The following BBS9 variants were observed in gnomAD, a reference collection of about 807,000 sequenced individuals.
BBS9 encodes Bardet-Biedl syndrome 9.
Under a neutral mutation model 117.7 loss-of-function variants are expected in BBS9, and 89 were observed. The observed-to-expected ratio is 0.76, with a 90% CI of 0.64 to 0.90. BBS9 has a LOEUF of 0.90. Ranked by LOEUF, BBS9 falls within the 40% of genes least tolerant of loss-of-function variation. The pLI is 0.00. For synonymous variants in BBS9, 379 were observed against 370.9 expected, an observed-to-expected ratio of 1.02 and a Z score of -0.25; for missense variants, 982 against 1,042.2, an observed-to-expected ratio of 0.94 and a Z score of 0.80.
intron 1 of BBS9, among the ~76,000 whole-genome samples, chr7:33,143,719 C>A (rs556619633): frequency 6.6e-6 from 1 of 151,898 alleles, no homozygotes; most frequent in South Asian, 2.1e-4. Flanking sequence ...GTGCCCACTA[C>A]CATGCCTGGC....
chr7:33,157,170 G>A (rs1254420172), intron 4 of BBS9, among the ~76,000 whole-genome samples: 1 of 152,066 alleles, frequency 6.6e-6, no homozygotes, highest in Non-Finnish European at 1.5e-5. Context: ...GGTCCTGCTC[G>A]AACTATGGGC....
intron 19 of BBS9, chr7:33,390,621 A>G: frequency 1.0e-6 from 1 of 965,504 alleles, no homozygotes; most frequent in Non-Finnish European, 1.2e-6. Flanking sequence ...AATAAGTTTC[A>G]TGAGCATAAT....
At chr7:33,431,228 A>G (rs1220615583) in intron 19 of BBS9, among the ~76,000 whole-genome samples, 1 of 151,184 alleles carries the variant, frequency 6.6e-6, no homozygotes, top group African/African-American at 2.4e-5. Context: ...AAAAAATGGT[A>G]CTGGTTACCT....
intron 5 of BBS9, among the ~76,000 whole-genome samples, chr7:33,220,017 C>A (rs1300348160): frequency 6.6e-6 from 1 of 152,166 alleles, no homozygotes; most frequent in South Asian, 2.1e-4. Flanking sequence ...TCAGAAGGAA[C>A]AAACTCCGGA....
At chr7:33,415,381 A>G (rs952369952) in intron 19 of BBS9, among the ~76,000 whole-genome samples, 13 of 152,158 alleles carry the variant, frequency 8.5e-5, no homozygotes, top group African/African-American at 2.9e-4. Context: ...GACAAACTAG[A>G]TGAAAATACT....
intron 5 of BBS9, among the ~76,000 whole-genome samples, chr7:33,228,759 A>T (rs1791771605): frequency 6.6e-6 from 1 of 152,190 alleles, no homozygotes; most frequent in South Asian, 2.1e-4. Flanking sequence ...GTGGGTTATT[A>T]TACAGGTCTT....
intron 19 of BBS9, among the ~76,000 whole-genome samples, chr7:33,441,012 A>G (rs1337291020): frequency 6.6e-6 from 1 of 152,238 alleles, no homozygotes; most frequent in Non-Finnish European, 1.5e-5. Flanking sequence ...GTCAGAATTC[A>G]TTGAACTGAG....
At chr7:33,630,885 G>T (rs563078186) in intron 21 of BBS9, among the ~76,000 whole-genome samples, 1 of 152,308 alleles carries the variant, frequency 6.6e-6, no homozygotes, top group African/African-American at 2.4e-5. Flanking sequence ...CAGGCACTGT[G>T]CTTAGTGTTG....
intron 20 of BBS9, 78 bp downstream of exon 20, chr7:33,505,723 C>T (rs1585053860): frequency 6.8e-7 from 1 of 1,462,548 alleles, no homozygotes; most frequent in Admixed American, 1.8e-5. Context: ...ACATGGCTAT[C>T]AGGTTTTCTA....
intron 21 of BBS9, among the ~76,000 whole-genome samples, chr7:33,550,503 A>G (rs956281334): frequency 1.3e-5 from 2 of 152,176 alleles, no homozygotes; most frequent in African/African-American, 4.8e-5. Context: ...AGGCCTTTTA[A>G]TTCTGGCCAA....
intron 10 of BBS9, among the ~76,000 whole-genome samples, 174 bp from the exon 11 acceptor site, chr7:33,340,723 T>C (rs1383725228): frequency 6.6e-6 from 1 of 152,152 alleles, no homozygotes; most frequent in African/African-American, 2.4e-5. Context: ...TACCATATTA[T>C]AGAGGGAAAG....
chr7:33,273,014 G>A lies in BBS9; in HGVS notation c.705G>A (p.Val235=). The change falls in exon 8 of 23, where the codon GTG becomes GTA. Residue 235 remains valine, a splice_region_variant and synonymous_variant. Transcript: ENST00000242067. ...QKLGSGKRLV[V]DWTLNIGEQA... ...TGATATTGAGTTTTGCTTTGTAGGT[G>A]GATTGGACTCTAAATATTGGAGAGC... The A allele has an allele frequency of 2.5e-6, 4 of 1,613,552 alleles. No homozygotes were observed. Among genetic ancestry groups the A allele is most frequent in the Non-Finnish European group, 3.4e-6 (4 of 1,179,722 alleles).
intron 9 of BBS9, among the ~76,000 whole-genome samples, chr7:33,282,964 G>A (rs1391792794): frequency 6.6e-6 from 1 of 151,958 alleles, no homozygotes; most frequent in African/African-American, 2.4e-5. Context: ...GGTATTATTG[G>A]TATATTATTA....
chr7:33,313,318 C>T (rs1809722417), intron 9 of BBS9, among the ~76,000 whole-genome samples: 1 of 152,128 alleles, frequency 6.6e-6, no homozygotes, highest in African/African-American at 2.4e-5. Context: ...TAGCGTGGTG[C>T]CTGAACATTG....
At chr7:33,174,274 C>T (rs1583469008) in intron 4 of BBS9, among the ~76,000 whole-genome samples, 1 of 152,208 alleles carries the variant, frequency 6.6e-6, no homozygotes, top group Admixed American at 6.5e-5. Flanking sequence ...CTAGTGGGTA[C>T]CTCGCTTGGT....
Position 33,346,372 on chromosome 7 carries a change from C to T in BBS9, c.1329+1738C>T, listed in dbSNP as rs932364060. ...TGACCATCTATTCCAGGCAACTAGG[C>T]GAGTGGTTGTTCATACCTGGCCTCT... On this transcript the variant is annotated intron_variant, in intron 12 of 22. Transcript: ENST00000242067. 4 of 387,506 alleles carry T rather than the reference C, an allele frequency of 1.0e-5. No individual in the cohort carries two copies. The highest frequency in any genetic ancestry group is 3.2e-5 in the Admixed American group (1 of 31,100). The allele number at this position is 387,506 out of a possible 1,614,324, so 24.0% of individuals were successfully genotyped here. A position where few individuals can be genotyped will look rare whatever the true frequency, so the allele number is the denominator to read the frequency against.
In BBS9 at chr7:33,228,137, C is replaced by G. The variant is rs1038543559; in HGVS notation, c.443-29099C>G. On this transcript the variant is annotated intron_variant, in intron 5 of 22. Coordinates refer to ENST00000242067, the MANE Select transcript of BBS9 (RefSeq NM_198428.3). ...TTTTTCACCACATCCATGCCAATATCTATTATTTTTTGGCTTTTTAATTGT... is the reference window on the plus strand; with the variant it reads ...TTTTTCACCACATCCATGCCAATATGTATTATTTTTTGGCTTTTTAATTGT... Among the ~76,000 whole-genome samples the G allele has an allele frequency of 2.6e-5, 4 of 152,044 alleles. 1 individual carries two copies. The highest frequency in any genetic ancestry group is 9.7e-5 in the African/African-American group (4 of 41,392).
chr7:33,191,990 G>A (rs1366466323), intron 5 of BBS9, among the ~76,000 whole-genome samples: 1 of 150,154 alleles, frequency 6.7e-6, no homozygotes, highest in African/African-American at 2.4e-5. Flanking sequence ...CCTCCCAAAC[G>A]CAACCACTGA....
intron 16 of BBS9, among the ~76,000 whole-genome samples, chr7:33,364,289 G>T (rs1821230239): frequency 6.6e-6 from 1 of 152,004 alleles, no homozygotes; most frequent in Admixed American, 6.5e-5. Flanking sequence ...CTGTATTTTA[G>T]AATTTTTGTA....
Sources: allele counts gnomAD v4.1 joint callset (sites outside exome capture counted in the v4.1 genomes callset), GRCh38; gene constraint gnomAD v4.1.1; transcripts MANE v1.5; gene names NCBI Gene and HGNC (gene_info 2026-07-23, HGNC 2026-07-21).